HECTD4: variants seen among roughly 807,000 people sequenced by gnomAD.
The protein encoded by HECTD4 is probable E3 ubiquitin-protein ligase HECTD4.
In HECTD4, 114 loss-of-function variants were observed where a neutral mutation model predicts 471.5. That is an observed-to-expected ratio of 0.24 (90% CI 0.21 to 0.28). HECTD4 has a LOEUF of 0.28. HECTD4 is among the 10% of genes least tolerant of loss of function. The pLI is 1.00. For synonymous variants in HECTD4, 2,012 were observed against 2,256.0 expected (o/e 0.89, Z 3.07); for missense variants, 3,866 against 5,651.5 (o/e 0.68, Z 10.13).
rs986157214 is a variant in HECTD4 at position 112,160,552 on chromosome 12, C to G, written c.*1835G>C. 1 of 152,182 alleles carries G rather than the reference C, an allele frequency of 6.6e-6. No individual in the cohort carries two copies. Among genetic ancestry groups the G allele is most frequent in the Non-Finnish European group, 1.5e-5 (1 of 68,044 alleles). The allele number at this position is 152,182 out of a possible 1,614,324, so 9.4% of individuals were successfully genotyped here. A position where few individuals can be genotyped will look rare whatever the true frequency, so the allele number is the denominator to read the frequency against. ...AAGCAGCCACGTTAGCAGCAGATACCTTACAGCTTGTCATCTACTCAAGTG... is the reference window on the plus strand; with the variant it reads ...AAGCAGCCACGTTAGCAGCAGATACGTTACAGCTTGTCATCTACTCAAGTG... On this transcript the variant is annotated 3_prime_UTR_variant, in exon 76 of 76. Transcript: ENST00000682272.
intron 44 of HECTD4, among the ~76,000 whole-genome samples, chr12:112,222,198 G>A (rs1174478096): frequency 6.6e-6 from 1 of 152,282 alleles, no homozygotes. Flanking sequence ...TGAGATTACA[G>A]GCGTGAGCCA....
chr12:112,164,326 A>T, intron 72 of HECTD4, 51 bp from the exon 73 acceptor site: 1 of 1,559,442 alleles, frequency 6.4e-7, no homozygotes, highest in Non-Finnish European at 8.7e-7. Context: ...GGGAGGTGGA[A>T]CCCTGATCCC....
intron 1 of HECTD4, among the ~76,000 whole-genome samples, chr12:112,343,847 TA>T (rs2036096843): frequency 6.6e-6 from 1 of 152,008 alleles, no homozygotes; most frequent in South Asian, 2.1e-4. Flanking sequence ...GTGAGGAAGT[TA>T]AAAAATAAAG....
chr12:112,349,237 A>T (rs1162853365), intron 1 of HECTD4, among the ~76,000 whole-genome samples: 1 of 151,924 alleles, frequency 6.6e-6, no homozygotes, highest in Non-Finnish European at 1.5e-5. Context: ...AAAATACAAA[A>T]ACTTAGCCGG....
chr12:112,289,770 G>A (rs928716889), intron 7 of HECTD4, among the ~76,000 whole-genome samples: 3 of 152,012 alleles, frequency 2.0e-5, no homozygotes, highest in Middle Eastern at 3.4e-3. Flanking sequence ...TCTATCTCCC[G>A]GGCTCAAGCA....
At chr12:112,333,323 C>T (rs2035879834) in intron 1 of HECTD4, among the ~76,000 whole-genome samples, 1 of 152,182 alleles carries the variant, frequency 6.6e-6, no homozygotes, top group Admixed American at 6.5e-5. Context: ...ACTAGCAACA[C>T]ATGAGGATTT....
chr12:112,224,253 G>C (rs2033170296), intron 44 of HECTD4, among the ~76,000 whole-genome samples: 1 of 151,576 alleles, frequency 6.6e-6, no homozygotes, highest in African/African-American at 2.4e-5. Flanking sequence ...CCTAATAAGT[G>C]AGTTATTAAG....
rs745902349 is a variant in HECTD4 at position 112,185,345 on chromosome 12, G to T, written c.9621C>A (p.Pro3207=). The change falls in exon 61 of 76, where the codon CCC becomes CCA. Residue 3207 remains proline, a synonymous_variant. Coordinates refer to ENST00000682272, the MANE Select transcript of HECTD4 (RefSeq NM_001388303.1). ...LSSSIALQLN[P]CLAMLMALQS... ...GCAAGGCCATCAGCATGGCCAGGCA[G>T]GGGTTCAGCTGGAGGGCGATTGAGG... The T allele has an allele frequency of 9.4e-6, 15 of 1,600,766 alleles. No homozygotes were observed. Among genetic ancestry groups the T allele is most frequent in the Non-Finnish European group, 1.3e-5 (15 of 1,174,070 alleles).
intron 72 of HECTD4, among the ~76,000 whole-genome samples, chr12:112,165,766 G>A (rs1277795162): frequency 2.0e-5 from 3 of 152,300 alleles, no homozygotes; most frequent in South Asian, 2.1e-4. Context: ...ACAGGCTGTC[G>A]CCTCCCCACA....
chr12:112,217,394 C>G (rs987429157), intron 45 of HECTD4, among the ~76,000 whole-genome samples, 199 bp from the exon 46 acceptor site: 6 of 152,140 alleles, frequency 3.9e-5, no homozygotes, highest in Non-Finnish European at 1.5e-5. Flanking sequence ...ACTCCTATCA[C>G]CCAGACTGGA....
intron 1 of HECTD4, among the ~76,000 whole-genome samples, chr12:112,323,421 C>T (rs2035624744): frequency 6.6e-6 from 1 of 151,932 alleles, no homozygotes; most frequent in Non-Finnish European, 1.5e-5. Flanking sequence ...AATTCAGTGC[C>T]AGCTTATCAG....
At chr12:112,325,986 G>A (rs1314272497) in intron 1 of HECTD4, among the ~76,000 whole-genome samples, 1 of 151,892 alleles carries the variant, frequency 6.6e-6, no homozygotes. Flanking sequence ...ACAGGGTCTC[G>A]CTATGTTGCC....
intron 1 of HECTD4, among the ~76,000 whole-genome samples, chr12:112,340,874 G>A (rs1294177274): frequency 6.6e-6 from 1 of 152,128 alleles, no homozygotes; most frequent in Non-Finnish European, 1.5e-5. Flanking sequence ...CTGATAGACT[G>A]CATGCTCAAG....
In HECTD4 at chr12:112,185,357, G is replaced by A; in HGVS notation, c.9609C>T (p.Leu3203=). Residue 3203 remains leucine (L), a synonymous_variant, in exon 61 of 76, where the codon CTC becomes CTT. Coordinates refer to ENST00000682272, the MANE Select transcript of HECTD4 (RefSeq NM_001388303.1). ...GCATGGCCAGGCAGGGGTTCAGCTG[G>A]AGGGCGATTGAGGAGGACAGGCCAG... ...HPAGLSSSIA[L]QLNPCLAMLM... 6.2e-7 allele frequency: 1 copy of A among 1,606,536 alleles called. No individual in the cohort carries two copies. Among genetic ancestry groups the A allele is most frequent in the Non-Finnish European group, 8.5e-7 (1 of 1,177,002 alleles).
Position 112,179,322 on chromosome 12 carries a change from A to T in HECTD4, c.11063T>A (p.Leu3688Gln), listed in dbSNP as rs1378404153. Residue 3688 changes from leucine to glutamine, a missense_variant, in exon 63 of 76, where the codon CTG becomes CAG. Physicochemically the swap from Leu to Gln is moderately radical, Grantham distance 113. Transcript: ENST00000682272. The surrounding 1 kb of genome is among the most constrained non-coding windows in gnomAD (Gnocchi z 4.3). ...GATGGGCTTCGCTGGTGTCAGGCTCAGCGTCTGCTCTGAATGGGCACAACT... is the reference window on the plus strand; with the variant it reads ...GATGGGCTTCGCTGGTGTCAGGCTCTGCGTCTGCTCTGAATGGGCACAACT... ...FKSCAHSEQTLSLTPAKPIRV... is the reference protein window; with the variant it reads ...FKSCAHSEQTQSLTPAKPIRV... 6.2e-7 allele frequency: 1 copy of T among 1,613,400 alleles called. No individual in the cohort carries two copies. The highest frequency in any genetic ancestry group is 1.7e-5 in the Admixed American group (1 of 59,914).
Position 112,194,549 on chromosome 12 carries a change from G to A in HECTD4, c.8749+336C>T, listed in dbSNP as rs1406207119. Among the ~76,000 whole-genome samples, 3 of 152,210 alleles carry A rather than the reference G, an allele frequency of 2.0e-5. No homozygotes were observed. The highest frequency in any genetic ancestry group is 4.4e-5 in the Non-Finnish European group (3 of 68,038). Reference sequence around the variant, plus strand: ...CTGCTTTGGAGGACGCTGATGACAGGAACATCTCCTTTCTTTCTAATGTCA... The same window carrying A: ...CTGCTTTGGAGGACGCTGATGACAGAAACATCTCCTTTCTTTCTAATGTCA... On this transcript the variant is annotated intron_variant, in intron 56 of 75. Coordinates refer to ENST00000682272, the MANE Select transcript of HECTD4 (RefSeq NM_001388303.1). The surrounding 1 kb of genome is among the most constrained non-coding windows in gnomAD (Gnocchi z 4.6).
intron 1 of HECTD4, among the ~76,000 whole-genome samples, chr12:112,327,211 G>A (rs1263133635): frequency 6.6e-6 from 1 of 152,130 alleles, no homozygotes; most frequent in Non-Finnish European, 1.5e-5. Context: ...CAGCTACTCA[G>A]AAGGCTGAGG....
chr12:112,347,109 T>G lies in HECTD4; in HGVS notation c.178-27367A>C, dbSNP rs1258862689. ...GTTTCTTTTTTCATAAATATATACA[T>G]TTATCATATAAAATATATATTTATA... On this transcript the variant is annotated intron_variant, in intron 1 of 75. Coordinates refer to ENST00000682272, the MANE Select transcript of HECTD4 (RefSeq NM_001388303.1). Among the ~76,000 whole-genome samples the G allele has an allele frequency of 8.6e-5, 13 of 151,976 alleles. No homozygotes were observed. In the East Asian group the frequency reaches 2.3e-3, roughly 27 times the overall value.
At chr12:112,248,652 C>G (rs1460828531) in intron 25 of HECTD4, 140 bp from the exon 26 acceptor site, 1 of 526,844 alleles carries the variant, frequency 1.9e-6, no homozygotes, top group East Asian at 3.2e-5. Flanking sequence ...GCAATCATGG[C>G]TCACTGCAGC....
Sources: gnomAD v4.1 joint callset for allele counts (sites outside exome capture counted in the v4.1 genomes callset) on GRCh38, gnomAD v4.1.1 for gene constraint, Gnocchi (gnomAD v3.1) non-coding constraint, MANE v1.5 for transcripts, NCBI Gene and HGNC (gene_info 2026-07-23, HGNC 2026-07-21) for gene names.